DNAH8: variants seen among roughly 807,000 people sequenced by gnomAD.
DNAH8 encodes axonemal beta dynein heavy chain 8.
DNAH8 carries 382 observed loss-of-function variants against 562.1 expected under a neutral mutation model. The ratio of observed to expected loss-of-function variants is 0.68; its 90% confidence interval spans 0.63 to 0.74. The LOEUF is 0.74. Among genes scored for constraint, DNAH8 ranks in the 30% least tolerant of loss-of-function variants. The probability of loss-of-function intolerance (pLI) is 0.00; values close to 1 mark genes in which losing one functional copy is unlikely to be tolerated. For synonymous variants in DNAH8, 1,881 were observed against 1,919.4 expected (o/e 0.98, Z 0.52); for missense variants, 5,203 against 5,620.4 (o/e 0.93, Z 2.37).
intron 91 of DNAH8, among the ~76,000 whole-genome samples, chr6:39,013,258 G>A (rs1485067166): frequency 6.6e-6 from 1 of 152,216 alleles, no homozygotes; most frequent in East Asian, 1.9e-4. Flanking sequence ...AATATGGATA[G>A]TTTTACTTCA....
At chr6:38,781,422 T>C in intron 16 of DNAH8, 49 bp downstream of exon 16, 2 of 1,585,858 alleles carry the variant, frequency 1.3e-6, no homozygotes, top group South Asian at 1.1e-5. Context: ...GGTTTTAATA[T>C]AACAAATATA....
At chr6:38,955,328 C>T (rs1020428434) in intron 82 of DNAH8, among the ~76,000 whole-genome samples, 40 of 151,804 alleles carry the variant, frequency 2.6e-4, no homozygotes, top group African/African-American at 9.2e-4. Context: ...CAGATAGTAA[C>T]TGCATAAAAG....
chr6:38,741,344 A>C (rs1764500782), intron 7 of DNAH8, among the ~76,000 whole-genome samples: 1 of 152,144 alleles, frequency 6.6e-6, no homozygotes, highest in African/African-American at 2.4e-5. Context: ...TTAAGGCTGC[A>C]GTGCACTGTG....
intron 44 of DNAH8, among the ~76,000 whole-genome samples, chr6:38,863,567 C>A: frequency 6.6e-6 from 1 of 152,202 alleles, no homozygotes; most frequent in African/African-American, 2.4e-5. Context: ...ATCCTTTACT[C>A]CGCTCTTTCT....
intron 11 of DNAH8, among the ~76,000 whole-genome samples, chr6:38,765,948 C>A (rs962347203): frequency 1.3e-5 from 2 of 152,142 alleles, no homozygotes; most frequent in African/African-American, 4.8e-5. Context: ...TATGATCCAG[C>A]AATCTCATTT....
At chr6:38,740,276 G>A (rs774260146) in intron 7 of DNAH8, among the ~76,000 whole-genome samples, 3 of 152,130 alleles carry the variant, frequency 2.0e-5, no homozygotes, top group Non-Finnish European at 2.9e-5. Context: ...CATTGAATGT[G>A]TACATGAATT....
chr6:38,759,311 AAACAAACAAACAAAC>A (rs1766256575), intron 10 of DNAH8, among the ~76,000 whole-genome samples: 1 of 59,354 alleles, frequency 1.7e-5, no homozygotes, highest in South Asian at 3.3e-4. Flanking sequence ...CTGTCTCAAA[AAACAAACAAACAAAC>A]AAACAAACAA....
In DNAH8 at chr6:38,886,850, G is replaced by A. The variant is rs769518733; in HGVS notation, c.8319G>A (p.Lys2773=). The change falls in exon 57 of 93, where the codon AAG becomes AAA. Residue 2773 remains lysine (K), a synonymous_variant. Transcript: ENST00000327475. ...MEMEGMYSLD[K]PGDFTTIVDV... ...TGGAAGGAATGTACAGCTTGGACAA[G>A]CCTGGAGACTTCACTACTATTGTTG... The A allele has an allele frequency of 2.5e-6, 4 of 1,614,102 alleles. No individual in the cohort carries two copies. The highest frequency in any genetic ancestry group is 3.4e-6 in the Non-Finnish European group (4 of 1,179,970).
intron 60 of DNAH8, 70 bp downstream of exon 60, chr6:38,896,295 G>A: frequency 1.6e-6 from 2 of 1,278,142 alleles, no homozygotes; most frequent in Non-Finnish European, 2.2e-6. Flanking sequence ...CTCTGCACCA[G>A]AGTCCTACCA....
At chr6:38,834,706 T>C (rs1158647050) in intron 32 of DNAH8, 65 bp downstream of exon 32, 16 of 1,287,996 alleles carry the variant, frequency 1.2e-5, no homozygotes, top group Non-Finnish European at 4.4e-6. Flanking sequence ...TGGGGAAAGA[T>C]GGAGGTTTTA....
chr6:38,866,406 T>C (rs1288024295), intron 45 of DNAH8, among the ~76,000 whole-genome samples, 185 bp from the exon 46 acceptor site: 1 of 152,164 alleles, frequency 6.6e-6, no homozygotes, highest in Non-Finnish European at 1.5e-5. Flanking sequence ...TGGAAATATA[T>C]AAAAGGGCAT....
At chr6:38,957,226 A>C (rs1227320219) in intron 82 of DNAH8, among the ~76,000 whole-genome samples, 3 of 151,550 alleles carry the variant, frequency 2.0e-5, no homozygotes, top group Admixed American at 2.0e-4. Flanking sequence ...ACAAGAGTGC[A>C]TGTGTGCATA....
At chr6:39,014,839 G>A (rs1766461638) in intron 91 of DNAH8, among the ~76,000 whole-genome samples, 1 of 152,114 alleles carries the variant, frequency 6.6e-6, no homozygotes, top group Non-Finnish European at 1.5e-5. Context: ...AGGGGTTGGG[G>A]CTGTATATCA....
chr6:38,892,753 A>G lies in DNAH8; in HGVS notation c.8584-1948A>G, dbSNP rs1779423415. 1.3e-5 allele frequency among the ~76,000 whole-genome samples: 2 copies of G among 152,182 alleles called. 1 individual carries two copies. The highest frequency in any genetic ancestry group is 4.1e-4 in the South Asian group (2 of 4,826). ...ATCTTTACTCCTTCTTAAAACCACC[A>G]GTAGACTCCCAGTTCCACTTACAAT... On this transcript the variant is annotated intron_variant, in intron 58 of 92. Coordinates refer to ENST00000327475, the MANE Select transcript of DNAH8 (RefSeq NM_001206927.2).
chr6:38,776,937 C>A (rs79828685), intron 13 of DNAH8, among the ~76,000 whole-genome samples: 3,182 of 152,184 alleles, frequency 0.021, 119 homozygotes, highest in African/African-American at 0.072. Flanking sequence ...GAAGAATATA[C>A]TTTGTACACT....
chr6:38,826,773 A>G (rs868248978), intron 29 of DNAH8, among the ~76,000 whole-genome samples: 1 of 152,210 alleles, frequency 6.6e-6, no homozygotes, highest in Non-Finnish European at 1.5e-5. Context: ...GGTCTCACTC[A>G]TGAACGGTGG....
In DNAH8 at chr6:38,781,421, A is replaced by G. The variant is rs768430001; in HGVS notation, c.2259+48A>G. On this transcript the variant is annotated intron_variant, in intron 16 of 92. Coordinates refer to ENST00000327475, the MANE Select transcript of DNAH8 (RefSeq NM_001206927.2). ...ATATGTGGATTTTGGTGGTTTTAAT[A>G]TAACAAATATATCATATCCTATAAT... is the stretch of plus-strand genomic sequence containing the variant. 11 of 1,585,560 alleles carry G rather than the reference A, an allele frequency of 6.9e-6. No individual in the cohort carries two copies. The South Asian group carries it at 7.8e-5, about 11-fold the overall frequency.
chr6:38,792,788 T>A (rs1433618597), intron 21 of DNAH8, among the ~76,000 whole-genome samples: 1 of 152,150 alleles, frequency 6.6e-6, no homozygotes, highest in Non-Finnish European at 1.5e-5. Context: ...CTGAACTCTT[T>A]CTTTTTTTGA....
chr6:38,897,349 C>G (rs71571355), intron 60 of DNAH8, among the ~76,000 whole-genome samples: 1,803 of 152,302 alleles, frequency 0.012, 22 homozygotes, highest in Middle Eastern at 0.027. Flanking sequence ...TGAGTAGAGA[C>G]TGAATGGGCC....
Sources: allele counts gnomAD v4.1 joint callset (sites outside exome capture counted in the v4.1 genomes callset), GRCh38; gene constraint gnomAD v4.1.1; transcripts MANE v1.5; gene names NCBI Gene and HGNC (gene_info 2026-07-23, HGNC 2026-07-21).